PDE10A: variants seen among roughly 807,000 people sequenced by gnomAD.
PDE10A encodes the protein cAMP and cAMP-inhibited cGMP 3',5'-cyclic phosphodiesterase 10A.
In PDE10A, 39 loss-of-function variants were observed where a neutral mutation model predicts 97.7. The ratio of observed to expected loss-of-function variants is 0.40; its 90% CI spans 0.31 to 0.52. The LOEUF (loss-of-function observed/expected upper bound fraction) is 0.52, where lower values mean the gene tolerates loss of function less well. PDE10A is among the 20% of genes least tolerant of loss of function. The pLI is 0.56. For missense variants in PDE10A, 731 were observed against 1,047.8 expected (o/e 0.70, Z 4.17); for synonymous variants, 371 against 376.8 (o/e 0.98, Z 0.18).
intron 1 of PDE10A, among the ~76,000 whole-genome samples, chr6:165,629,523 T>A (rs1359386549): frequency 1.5e-5 from 1 of 65,664 alleles, no homozygotes. Context: ...TTAACAACCT[T>A]TTTTTTTTTT....
intron 2 of PDE10A, among the ~76,000 whole-genome samples, chr6:165,489,631 C>T (rs902522865): frequency 4.6e-5 from 7 of 151,872 alleles, no homozygotes; most frequent in South Asian, 2.1e-4. Context: ...GAATTCAGGT[C>T]GACTATTAAG....
intron 1 of PDE10A, among the ~76,000 whole-genome samples, chr6:165,573,802 A>G (rs1781362671): frequency 1.3e-5 from 2 of 152,192 alleles, no homozygotes; most frequent in African/African-American, 2.4e-5. Context: ...TTTTTCAAAC[A>G]AAGAGTCTTT....
At chr6:165,749,586 A>G (rs1202634897) in intron 1 of PDE10A, among the ~76,000 whole-genome samples, 2 of 152,202 alleles carry the variant, frequency 1.3e-5, no homozygotes, top group Non-Finnish European at 2.9e-5. Flanking sequence ...GTAACTCTAA[A>G]TGCTCCTAAA....
At chr6:165,369,977 C>T (rs1374480118) in intron 18 of PDE10A, among the ~76,000 whole-genome samples, 1 of 142,708 alleles carries the variant, frequency 7.0e-6, no homozygotes, top group Non-Finnish European at 1.5e-5. Flanking sequence ...TCCAGCCAAA[C>T]TAAGCTTCAA....
At chr6:165,915,578 C>T (rs1481402318) in intron 1 of PDE10A, among the ~76,000 whole-genome samples, 2 of 152,132 alleles carry the variant, frequency 1.3e-5, no homozygotes, top group African/African-American at 2.4e-5. Flanking sequence ...AGCTGGGTCT[C>T]TTCATTACTG....
chr6:165,430,169 G>A, intron 9 of PDE10A, 118 bp downstream of exon 9: 1 of 681,602 alleles, frequency 1.5e-6, no homozygotes, highest in South Asian at 1.9e-5. Context: ...CAGACTACTT[G>A]TAAAGACGGA....
At chr6:165,834,465 G>C (rs758720221) in intron 1 of PDE10A, among the ~76,000 whole-genome samples, 2 of 152,222 alleles carry the variant, frequency 1.3e-5, no homozygotes, top group African/African-American at 2.4e-5. Context: ...CCGCCTGGGA[G>C]TGGGGGGAGT....
At chr6:165,530,529 A>G (rs1285955527) in intron 2 of PDE10A, among the ~76,000 whole-genome samples, 5 of 152,152 alleles carry the variant, frequency 3.3e-5, no homozygotes, top group South Asian at 2.1e-4. Context: ...ACTGAGTACT[A>G]TGCTCACTAC....
intron 2 of PDE10A, among the ~76,000 whole-genome samples, chr6:165,518,207 T>G (rs761851749): frequency 3.3e-5 from 5 of 152,180 alleles, no homozygotes; most frequent in Non-Finnish European, 7.4e-5. Context: ...GGACATTAAA[T>G]AGAGGGCACA....
intron 18 of PDE10A, among the ~76,000 whole-genome samples, chr6:165,345,831 T>G (rs1393423767): frequency 6.6e-6 from 1 of 152,152 alleles, no homozygotes; most frequent in Non-Finnish European, 1.5e-5. Flanking sequence ...AGGCAGACAG[T>G]CAACAGGTCA....
Position 165,332,963 on chromosome 6 carries a change from AGAATGTC to A in PDE10A, c.*55_*61del. The A allele has an allele frequency of 8.8e-6, 7 of 797,272 alleles. No homozygotes were observed. The highest frequency in any genetic ancestry group is 1.4e-5 in the Non-Finnish European group (7 of 486,928). 49.4% of individuals were successfully genotyped at this position (797,272 alleles called of 1,614,324 possible). A position where few individuals can be genotyped will look rare whatever the true frequency, so the allele number is the denominator to read the frequency against. ...CCCCACCCCCCCCAAAAAAAGGAAA[AGAATGTC>A]AAAGAAGCAAGATGAGGATCTGTAG... On this transcript the variant is annotated 3_prime_UTR_variant, in exon 22 of 22. Coordinates refer to ENST00000539869, the MANE Select transcript of PDE10A (RefSeq NM_001385079.1).
intron 1 of PDE10A, among the ~76,000 whole-genome samples, chr6:165,678,575 T>C (rs1286281378): frequency 6.6e-6 from 1 of 152,172 alleles, no homozygotes; most frequent in Non-Finnish European, 1.5e-5. Flanking sequence ...GCTTCTATTC[T>C]GCCCGCCGCT....
At chr6:165,473,358 A>G (rs1394195243) in intron 3 of PDE10A, among the ~76,000 whole-genome samples, 1 of 152,196 alleles carries the variant, frequency 6.6e-6, no homozygotes, top group Non-Finnish European at 1.5e-5. Flanking sequence ...GCAAGTAGAA[A>G]TGATTTTAAC....
intron 1 of PDE10A, among the ~76,000 whole-genome samples, chr6:165,572,364 T>C (rs1421553615): frequency 6.6e-6 from 1 of 152,258 alleles, no homozygotes; most frequent in African/African-American, 2.4e-5. Context: ...TAATAATCTC[T>C]ACACTTCATA....
chr6:165,536,203 C>T (rs1013119507), intron 2 of PDE10A, among the ~76,000 whole-genome samples: 2 of 151,864 alleles, frequency 1.3e-5, no homozygotes, highest in Non-Finnish European at 2.9e-5. Context: ...ACGCCAAGAA[C>T]ATACAATGAG....
At chr6:165,545,370 G>T (rs151265204) in intron 1 of PDE10A, among the ~76,000 whole-genome samples, 2 of 152,024 alleles carry the variant, frequency 1.3e-5, no homozygotes, top group Non-Finnish European at 2.9e-5. Context: ...TTCCCAAAGA[G>T]ATTTTAACTC....
intron 1 of PDE10A, among the ~76,000 whole-genome samples, chr6:165,743,313 C>A (rs1792771186): frequency 6.6e-6 from 1 of 152,190 alleles, no homozygotes. Context: ...CTTCTTTCCT[C>A]CACTGTTAAC....
At chr6:165,792,695 C>A (rs1002153487) in intron 1 of PDE10A, among the ~76,000 whole-genome samples, 4 of 152,140 alleles carry the variant, frequency 2.6e-5, no homozygotes, top group African/African-American at 9.7e-5. Context: ...ATGTCTCCAG[C>A]CCAGTCCTCT....
intron 2 of PDE10A, among the ~76,000 whole-genome samples, chr6:165,531,618 TA>T (rs1309169897): frequency 6.6e-6 from 1 of 152,112 alleles, no homozygotes; most frequent in African/African-American, 2.4e-5. Context: ...TCTTTCCTAT[TA>T]AAAAACAGTA....
Sources: gnomAD v4.1 joint callset for allele counts (sites outside exome capture counted in the v4.1 genomes callset) on GRCh38, gnomAD v4.1.1 for gene constraint, MANE v1.5 for transcripts, NCBI Gene and HGNC (gene_info 2026-07-23, HGNC 2026-07-21) for gene names.